The following CERKL variants were observed in gnomAD, a reference collection of about 807,000 sequenced individuals.
The protein encoded by CERKL is CERK like autophagy regulator.
Under a neutral mutation model 63.4 loss-of-function variants are expected in CERKL, and 61 were observed. The observed-to-expected ratio is 0.96, with a 90% CI of 0.78 to 1.19. CERKL has a LOEUF of 1.19. Ranked by LOEUF, CERKL falls within the 50% of genes most tolerant of loss-of-function variation. The probability of loss-of-function intolerance (pLI) is 0.00; values close to 1 mark genes in which losing one functional copy is unlikely to be tolerated. For missense variants in CERKL, 675 were observed against 655.5 expected, an observed-to-expected ratio of 1.03 and a Z score of -0.33; for synonymous variants, 250 against 230.5, an observed-to-expected ratio of 1.08 and a Z score of -0.77.
intron 1 of CERKL, among the ~76,000 whole-genome samples, chr2:181,615,915 T>A (rs1686172115): frequency 6.6e-6 from 1 of 152,134 alleles, no homozygotes; most frequent in Non-Finnish European, 1.5e-5. Context: ...AATACATACA[T>A]ATATCAAGAG....
intron 5 of CERKL, among the ~76,000 whole-genome samples, chr2:181,552,351 G>A (rs1054329843): frequency 6.6e-6 from 1 of 152,076 alleles, no homozygotes; most frequent in Non-Finnish European, 1.5e-5. Flanking sequence ...TGAATCACGG[G>A]GGTGGTTTCC....
intron 10 of CERKL, among the ~76,000 whole-genome samples, chr2:181,546,473 A>G (rs1360237548): frequency 1.3e-5 from 2 of 152,232 alleles, no homozygotes; most frequent in Non-Finnish European, 2.9e-5. Context: ...CTCAATTTCT[A>G]AATCACACAA....
intron 2 of CERKL, among the ~76,000 whole-genome samples, chr2:181,575,420 G>C (rs763391559): frequency 3.3e-5 from 5 of 152,220 alleles, no homozygotes; most frequent in African/African-American, 4.8e-5. Flanking sequence ...GATATGATTC[G>C]TGCTTTAAAG....
At chr2:181,624,010 A>G (rs1460988514) in intron 1 of CERKL, among the ~76,000 whole-genome samples, 1 of 152,304 alleles carries the variant, frequency 6.6e-6, no homozygotes, top group East Asian at 1.9e-4. Context: ...GTTTCTGGGC[A>G]AAGGGAACAG....
At chr2:181,608,427 G>C (rs1685813203) in intron 1 of CERKL, among the ~76,000 whole-genome samples, 1 of 125,650 alleles carries the variant, frequency 8.0e-6, no homozygotes, top group Non-Finnish European at 1.6e-5. Flanking sequence ...CTGGGGGATG[G>C]AGCGGGGTGG....
chr2:181,570,249 G>A lies in CERKL; in HGVS notation c.613+3504C>T, dbSNP rs369643831. Among the ~76,000 whole-genome samples, 31 of 152,214 alleles carry A rather than the reference G, an allele frequency of 2.0e-4. No individual in the cohort carries two copies. The East Asian group carries it at 4.1e-3, about 20-fold the overall frequency. On this transcript the variant is annotated intron_variant, in intron 3 of 12. Transcript: ENST00000410087. ...ACAACGTACTCTGCCTCTAGTGTAG[G>A]TGGCCAAGCCAAAGTTGAGTGCCAC...
At chr2:181,572,417 T>C (rs935317031) in intron 3 of CERKL, among the ~76,000 whole-genome samples, 3 of 152,216 alleles carry the variant, frequency 2.0e-5, no homozygotes, top group African/African-American at 7.2e-5. Flanking sequence ...GTGAATGCTA[T>C]ATAGCAATAT....
chr2:181,586,852 T>A (rs976627489), intron 2 of CERKL, among the ~76,000 whole-genome samples: 1 of 152,192 alleles, frequency 6.6e-6, no homozygotes, highest in Non-Finnish European at 1.5e-5. Flanking sequence ...GAGTGCAGCA[T>A]GATGGAAATG....
At chr2:181,595,200 T>TTA (rs1300127701) in intron 2 of CERKL, among the ~76,000 whole-genome samples, 2 of 147,010 alleles carry the variant, frequency 1.4e-5, no homozygotes, top group Non-Finnish European at 2.9e-5. Context: ...ATCAGTGTGT[T>TTA]TATATGTGTT....
chr2:181,540,719 C>A (rs1304777981), intron 11 of CERKL, among the ~76,000 whole-genome samples: 1 of 152,144 alleles, frequency 6.6e-6, no homozygotes, highest in Non-Finnish European at 1.5e-5. Flanking sequence ...GCCACAGACG[C>A]TGTTAAGTGG....
chr2:181,583,035 A>C (rs1684597593), intron 2 of CERKL, among the ~76,000 whole-genome samples: 1 of 152,178 alleles, frequency 6.6e-6, no homozygotes, highest in Admixed American at 6.5e-5. Flanking sequence ...GTAATTAAAA[A>C]TTGCTTAATT....
chr2:181,610,004 AAAGG>A (rs1685896408), intron 1 of CERKL, among the ~76,000 whole-genome samples: 1 of 152,198 alleles, frequency 6.6e-6, no homozygotes, highest in South Asian at 2.1e-4. Context: ...CGTAAGACAC[AAAGG>A]AAGACAGACA....
intron 1 of CERKL, among the ~76,000 whole-genome samples, chr2:181,643,890 A>G (rs1325853883): frequency 1.3e-5 from 2 of 152,172 alleles, no homozygotes; most frequent in African/African-American, 2.4e-5. Flanking sequence ...CAGTAAACAA[A>G]TCTTTCTTTG....
Position 181,536,866 on chromosome 2 carries a change from TTGAACATC to T in CERKL, c.*1310_*1317del. 2.3e-6 allele frequency: 1 copy of T among 433,288 alleles called. No homozygotes were observed. 26.8% of individuals were successfully genotyped at this position (433,288 alleles called of 1,614,324 possible). The stretch of plus-strand genomic sequence containing the variant: ...TTCATAAGAGAGCTGTGGCCGAATT[TTGAACATC>T]TGTTATAGGGAGTGATCAAATTAGA... On this transcript the variant is annotated 3_prime_UTR_variant, in exon 13 of 13. Transcript: ENST00000410087.
At chr2:181,573,506 A>G (rs1336591456) in intron 3 of CERKL, among the ~76,000 whole-genome samples, 1 of 152,232 alleles carries the variant, frequency 6.6e-6, no homozygotes, top group Non-Finnish European at 1.5e-5. Context: ...TTGTAATTAT[A>G]TCTAACAATT....
intron 2 of CERKL, among the ~76,000 whole-genome samples, chr2:181,579,201 C>G (rs1453928672): frequency 6.6e-6 from 1 of 151,848 alleles, no homozygotes; most frequent in Non-Finnish European, 1.5e-5. Context: ...AAGCACCTGG[C>G]ACAAAGTATT....
chr2:181,639,391 T>G (rs954667292), intron 1 of CERKL, among the ~76,000 whole-genome samples: 1 of 152,164 alleles, frequency 6.6e-6, no homozygotes, highest in South Asian at 2.1e-4. Flanking sequence ...TATTACATAA[T>G]TATTCCTACA....
chr2:181,605,067 C>G (rs1227275313), intron 1 of CERKL, among the ~76,000 whole-genome samples: 7 of 152,168 alleles, frequency 4.6e-5, no homozygotes, highest in South Asian at 2.1e-4. Flanking sequence ...CAAAAGCACA[C>G]AAGATACGTG....
intron 1 of CERKL, among the ~76,000 whole-genome samples, chr2:181,634,192 A>C (rs959402410): frequency 6.6e-6 from 1 of 152,186 alleles, no homozygotes; most frequent in African/African-American, 2.4e-5. Flanking sequence ...AAAGGAATAC[A>C]ACTCAAATAT....
Sources: gnomAD v4.1 joint callset for allele counts (sites outside exome capture counted in the v4.1 genomes callset) on GRCh38, gnomAD v4.1.1 for gene constraint, MANE v1.5 for transcripts, NCBI Gene and HGNC (gene_info 2026-07-23, HGNC 2026-07-21) for gene names.